VPS37A: variants seen among roughly 807,000 people sequenced by gnomAD.
VPS37A encodes the protein VPS37A subunit of ESCRT-I.
Under a neutral mutation model 49.8 loss-of-function variants are expected in VPS37A, and 30 were observed. The observed-to-expected ratio is 0.60, with a 90% CI of 0.45 to 0.82. The LOEUF (loss-of-function observed/expected upper bound fraction) is 0.82. VPS37A is among the 40% of genes least tolerant of loss of function. The pLI is 0.00. For missense variants in VPS37A, 593 were observed against 464.4 expected (o/e 1.28, Z -2.55); for synonymous variants, 195 against 160.6 (o/e 1.21, Z -1.62).
At chr8:17,260,419 G>C (rs563961701) in intron 1 of VPS37A, among the ~76,000 whole-genome samples, 1 of 151,994 alleles carries the variant, frequency 6.6e-6, no homozygotes, top group East Asian at 1.9e-4. Context: ...CTCTTAACAG[G>C]TGGTTGTAGC....
chr8:17,276,629 T>G (rs1003034100), intron 6 of VPS37A, among the ~76,000 whole-genome samples, 162 bp downstream of exon 6: 1 of 152,170 alleles, frequency 6.6e-6, no homozygotes, highest in African/African-American at 2.4e-5. Flanking sequence ...TTAGGTCCTA[T>G]AGGTTACATT....
chr8:17,254,510 C>A lies in VPS37A; in HGVS notation c.125+7141C>A, dbSNP rs114289260. Reference sequence around the variant, plus strand: ...ATGCTCCTGACCTGCCTTCTTCCCCCCAAACTCTTAGTTTGCATTGACCTG... The same window carrying A: ...ATGCTCCTGACCTGCCTTCTTCCCCACAAACTCTTAGTTTGCATTGACCTG... On this transcript the variant is annotated intron_variant, in intron 1 of 11. Transcript: ENST00000324849. Among the ~76,000 whole-genome samples, 397 of 152,306 alleles carry A rather than the reference C, an allele frequency of 2.6e-3. 1 individual carries two copies. The highest frequency in any genetic ancestry group is 9.2e-3 in the African/African-American group (383 of 41,572).
Position 17,250,158 on chromosome 8 carries a change from G to C in VPS37A, c.125+2789G>C, listed in dbSNP as rs74778345. The stretch of plus-strand genomic sequence containing the variant: ...ACCGCCCAGGGGAGGAGGAATTCTG[G>C]TTTCTATGACTTCTTCAATGGAGAA... On this transcript the variant is annotated intron_variant, in intron 1 of 11. Transcript: ENST00000324849. 6.9e-3 allele frequency among the ~76,000 whole-genome samples: 1,054 copies of C among 152,258 alleles called. 16 individuals are homozygous for C. The highest frequency in any genetic ancestry group is 0.035 in the East Asian group (183 of 5,178).
intron 1 of VPS37A, among the ~76,000 whole-genome samples, chr8:17,253,401 T>C (rs1244817667): frequency 6.6e-6 from 1 of 152,214 alleles, no homozygotes; most frequent in Non-Finnish European, 1.5e-5. Context: ...CTCCTTTCAG[T>C]AGTTTCCTAA....
the VPS37A span, among the ~76,000 whole-genome samples, chr8:17,312,805 C>A: frequency 2.6e-5 from 4 of 152,092 alleles, no homozygotes; most frequent in Non-Finnish European, 5.9e-5. Flanking sequence ...GTATTTATTT[C>A]TTTAAAAAAA....
At chr8:17,320,398 AG>A in the VPS37A span, among the ~76,000 whole-genome samples, 1 of 152,062 alleles carries the variant, frequency 6.6e-6, no homozygotes, top group African/African-American at 2.4e-5. Flanking sequence ...GGTGTGGTAA[AG>A]GGTATGTTTT....
the VPS37A span, chr8:17,311,843 T>C: frequency 1.0e-5 from 7 of 669,064 alleles, no homozygotes; most frequent in African/African-American, 1.3e-4. Context: ...TCCCATTCTA[T>C]CCAGAAGCCA....
At chr8:17,255,176 C>G (rs1812324254) in intron 1 of VPS37A, among the ~76,000 whole-genome samples, 1 of 152,130 alleles carries the variant, frequency 6.6e-6, no homozygotes, top group African/African-American at 2.4e-5. Context: ...AACATAAATA[C>G]AAAATATAAA....
intron 6 of VPS37A, among the ~76,000 whole-genome samples, chr8:17,278,541 G>C (rs1309700326): frequency 6.6e-6 from 1 of 152,050 alleles, no homozygotes; most frequent in Non-Finnish European, 1.5e-5. Context: ...GTTGCCTTCT[G>C]TATCGTTTTT....
chr8:17,247,466 G>T, intron 1 of VPS37A, 97 bp downstream of exon 1: 1 of 1,465,770 alleles, frequency 6.8e-7, no homozygotes, highest in Non-Finnish European at 9.1e-7. Flanking sequence ...CTCCCCACCA[G>T]CTCCTCATGT....
chr8:17,310,276 C>T, the VPS37A span, among the ~76,000 whole-genome samples: 1 of 152,114 alleles, frequency 6.6e-6, no homozygotes, highest in Admixed American at 6.5e-5. Context: ...GCTGGGATTA[C>T]AGGTGTGAGC....
At chr8:17,322,948 A>ATTTTTTTT in the VPS37A span, among the ~76,000 whole-genome samples, 4 of 94,956 alleles carry the variant, frequency 4.2e-5, no homozygotes, top group African/African-American at 1.5e-4. Context: ...GGATTGAATT[A>ATTTTTTTT]TCTTTTTTTT....
At chr8:17,312,944 AAAG>A in the VPS37A span, among the ~76,000 whole-genome samples, 1 of 152,236 alleles carries the variant, frequency 6.6e-6, no homozygotes, top group Non-Finnish European at 1.5e-5. Context: ...CCATGACTAA[AAAG>A]AAGGCTCTAC....
chr8:17,261,620 T>A (rs1477153536), intron 1 of VPS37A, among the ~76,000 whole-genome samples: 1 of 152,212 alleles, frequency 6.6e-6, no homozygotes, highest in Non-Finnish European at 1.5e-5. Context: ...ATGTATTTGC[T>A]TAAAGACTCT....
chr8:17,314,342 T>G, the VPS37A span, among the ~76,000 whole-genome samples: 1 of 152,156 alleles, frequency 6.6e-6, no homozygotes, highest in Non-Finnish European at 1.5e-5. Context: ...GAGCCCATTT[T>G]TCTACCCCCA....
At chr8:17,325,348 T>C in the VPS37A span, among the ~76,000 whole-genome samples, 1 of 152,148 alleles carries the variant, frequency 6.6e-6, no homozygotes, top group Non-Finnish European at 1.5e-5. Flanking sequence ...CGAATGAAGA[T>C]TTCAATCCAT....
chr8:17,253,091 C>T (rs1408950195), intron 1 of VPS37A, among the ~76,000 whole-genome samples: 3 of 152,138 alleles, frequency 2.0e-5, no homozygotes, highest in Admixed American at 1.3e-4. Context: ...TTAATTTTCT[C>T]ATTAGAAATA....
chr8:17,301,460 G>T (rs971320913), downstream of VPS37A, among the ~76,000 whole-genome samples: 3 of 152,168 alleles, frequency 2.0e-5, no homozygotes, highest in African/African-American at 7.2e-5. Flanking sequence ...GGTCTAAATT[G>T]TATACAAGCA....
intron 1 of VPS37A, among the ~76,000 whole-genome samples, chr8:17,261,776 C>G (rs1215146218): frequency 6.6e-6 from 1 of 152,202 alleles, no homozygotes. Flanking sequence ...GGAAGGCTGG[C>G]AAACGGTTCC....
Sources: gnomAD v4.1 joint callset for allele counts (sites outside exome capture counted in the v4.1 genomes callset) on GRCh38, gnomAD v4.1.1 for gene constraint, MANE v1.5 for transcripts, NCBI Gene and HGNC (gene_info 2026-07-23, HGNC 2026-07-21) for gene names.